The following ZNF155 variants were observed in gnomAD, a reference collection of about 807,000 sequenced individuals.
ZNF155 encodes KRAB A domain.
A neutral mutation model predicts 11.9 loss-of-function variants in ZNF155; 15 were observed. The observed-to-expected ratio is 1.26, with a 90% CI of 0.84 to 1.94. The LOEUF is 1.94. Among genes scored for constraint, ZNF155 ranks in the 30% most tolerant of loss-of-function variants. ZNF155 has a pLI of 0.00. For synonymous variants in ZNF155, 212 were observed against 219.9 expected, an observed-to-expected ratio of 0.96 and a Z score of 0.32; for missense variants, 602 against 639.1, an observed-to-expected ratio of 0.94 and a Z score of 0.63.
intron 4 of ZNF155, among the ~76,000 whole-genome samples, 154 bp downstream of exon 4, chr19:43,992,088 A>G (rs567269070): frequency 6.6e-6 from 1 of 152,258 alleles, no homozygotes; most frequent in East Asian, 1.9e-4. Context: ...TCCCACCCTA[A>G]TATCTGTTCT....
In ZNF155 at chr19:43,997,383, A is replaced by G; in HGVS notation, c.1526A>G (p.Glu509Gly). ...GACCAGCCGAGAGACTATAGTGGGG[A>G]AAACCCATCCAAATGTGAGGATTGT... ...RKDQPRDYSG[E>G]NPSKCEDCGR... Residue 509 changes from glutamate (E) to glycine (G), a missense_variant, in exon 5 of 5, where the codon GAA becomes GGA. By Grantham distance (98) the Glu-to-Gly change is moderately conservative. Transcript: ENST00000270014. 1.2e-6 allele frequency: 2 copies of G among 1,613,744 alleles called. No homozygotes were observed. Among genetic ancestry groups the G allele is most frequent in the Non-Finnish European group, 1.7e-6 (2 of 1,179,748 alleles).
At chr19:43,989,927 AAGG>A (rs1287232517) in intron 2 of ZNF155, 1 of 706,998 alleles carries the variant, frequency 1.4e-6, no homozygotes, top group Non-Finnish European at 2.1e-6. Context: ...GCCAATGTAA[AAGG>A]AGAAGTAGAG....
chr19:43,991,845 A>G lies in ZNF155; in HGVS notation c.146A>G (p.His49Arg). Residue 49 changes from histidine to arginine, a missense_variant, in exon 4 of 5, where the codon CAT becomes CGT. Coordinates refer to ENST00000270014, the MANE Select transcript of ZNF155 (RefSeq NM_198089.3). ...ACGTGACCTTACCTATTCACAGGGC[A>G]TCAACCGTTCCACCAAGATACTTGC... ...ENFRNLLSVGHQPFHQDTCHF... is the reference protein window; with the variant it reads ...ENFRNLLSVGRQPFHQDTCHF... The G allele has an allele frequency of 6.2e-7, 1 of 1,613,692 alleles. No homozygotes were observed. The highest frequency in any genetic ancestry group is 8.5e-7 in the Non-Finnish European group (1 of 1,179,698).
intron 4 of ZNF155, among the ~76,000 whole-genome samples, chr19:43,995,585 T>C (rs1365538708): frequency 3.3e-5 from 5 of 152,064 alleles, no homozygotes; most frequent in Non-Finnish European, 5.9e-5. Context: ...GGTTTTGCTA[T>C]ATTGCCCAGG....
intron 4 of ZNF155, 79 bp from the exon 5 acceptor site, chr19:43,996,014 C>T (rs1363131728): frequency 6.8e-7 from 1 of 1,474,420 alleles, no homozygotes; most frequent in Non-Finnish European, 9.1e-7. Flanking sequence ...AGTTTAATGT[C>T]ATGTCCTAAG....
rs1433766424 is a variant in ZNF155 at position 43,996,935 on chromosome 19, T to C, written c.1078T>C (p.Tyr360His). ...AGGCTTTATTGGTAGGCTAGATTTT[T>C]ATAAGCATCAGGTGGTCCACACAGG... ...GKGFIGRLDF[Y>H]KHQVVHTGEK... Residue 360 changes from tyrosine to histidine, a missense_variant, in exon 5 of 5, where the codon TAT (tyrosine) becomes CAT (histidine). Physicochemically the swap from Tyr to His is moderately conservative, Grantham distance 83 (BLOSUM62 2). Transcript: ENST00000270014. 7.5e-6 allele frequency: 12 copies of C among 1,609,876 alleles called. No homozygotes were observed. The highest frequency in any genetic ancestry group is 1.0e-5 in the Non-Finnish European group (12 of 1,177,438).
Position 43,993,152 on chromosome 19 carries a change from GA to G in ZNF155, c.235+1219del, listed in dbSNP as rs1975722750. On this transcript the variant is annotated intron_variant, in intron 4 of 4. Coordinates refer to ENST00000270014, the MANE Select transcript of ZNF155 (RefSeq NM_198089.3). ...GAAGGGGGAAGAATGAGGATGAGGGGACACAAGTCATGTAGCTGAACATTTA... is the reference window on the plus strand; with the variant it reads ...GAAGGGGGAAGAATGAGGATGAGGGGCACAAGTCATGTAGCTGAACATTTA... 2.6e-5 allele frequency among the ~76,000 whole-genome samples: 4 copies of G among 152,198 alleles called. No individual in the cohort carries two copies. The South Asian group carries it at 8.3e-4, about 32-fold the overall frequency.
chr19:43,985,085 G>T (rs895159302), intron 1 of ZNF155, among the ~76,000 whole-genome samples: 1 of 152,130 alleles, frequency 6.6e-6, no homozygotes, highest in Non-Finnish European at 1.5e-5. Context: ...TTGAGAATGA[G>T]GTTTGCTCTG....
rs932521604 is a variant in ZNF155, at chr19:43,997,824, C to G, written c.*350C>G. On this transcript the variant is annotated 3_prime_UTR_variant, in exon 5 of 5. Coordinates refer to ENST00000270014, the MANE Select transcript of ZNF155 (RefSeq NM_198089.3). ...CAGCCCATTCAGGTAAAAACTCGCA[C>G]AAACCTCCGGCTCACTCAGTTAAGG... The G allele has an allele frequency of 1.2e-4, 22 of 186,140 alleles. No individual in the cohort carries two copies. The highest frequency in any genetic ancestry group is 5.2e-4 in the African/African-American group (22 of 42,338). The allele number at this position is 186,140 out of a possible 1,614,324, so 11.5% of individuals were successfully genotyped here.
Position 43,996,709 on chromosome 19 carries a change from G to A in ZNF155, c.852G>A (p.Gly284=), listed in dbSNP as rs911887714. 6.2e-7 allele frequency: 1 copy of A among 1,613,686 alleles called. No homozygotes were observed. Among genetic ancestry groups the A allele is most frequent in the Non-Finnish European group, 8.5e-7 (1 of 1,179,912 alleles). ...QLKEHKRIHT[G]EKPFKCDICG... ...AGGAACATAAGAGAATCCATACTGG[G>A]GAGAAACCATTCAAATGTGATATAT... is the stretch of plus-strand genomic sequence containing the variant. Residue 284 remains glycine, a synonymous_variant, in exon 5 of 5, where the codon GGG becomes GGA. Coordinates refer to ENST00000270014, the MANE Select transcript of ZNF155 (RefSeq NM_198089.3).
At chr19:43,993,190 G>T (rs1975723418) in intron 4 of ZNF155, among the ~76,000 whole-genome samples, 1 of 152,072 alleles carries the variant, frequency 6.6e-6, no homozygotes, top group Non-Finnish European at 1.5e-5. Flanking sequence ...TCTATTTCTG[G>T]TCCTCTTTCT....
At position 43,997,641 on chromosome 19, in the gene ZNF155, T is replaced by C; in HGVS notation, c.*167T>C. On this transcript the variant is annotated 3_prime_UTR_variant, in exon 5 of 5. Transcript: ENST00000270014. ...GAGTTGGTAGACAGCAAGGGAAGGGTCCCTGGAGACCCCCAGCCAAACGGG... is the reference window on the plus strand; with the variant it reads ...GAGTTGGTAGACAGCAAGGGAAGGGCCCCTGGAGACCCCCAGCCAAACGGG... 1 of 688,656 alleles carries C rather than the reference T, an allele frequency of 1.5e-6. No individual in the cohort carries two copies. Among genetic ancestry groups the C allele is most frequent in the Non-Finnish European group, 2.3e-6 (1 of 432,534 alleles). 42.7% of individuals were successfully genotyped at this position (688,656 alleles called of 1,614,324 possible).
At chr19:43,990,662 C>T (rs1376225817) in intron 2 of ZNF155, among the ~76,000 whole-genome samples, 1 of 152,234 alleles carries the variant, frequency 6.6e-6, no homozygotes, top group African/African-American at 2.4e-5. Flanking sequence ...GGACACACTA[C>T]ATAACTGTCC....
At chr19:43,994,475 C>G (rs1240032161) in intron 4 of ZNF155, among the ~76,000 whole-genome samples, 1 of 152,244 alleles carries the variant, frequency 6.6e-6, no homozygotes, top group Non-Finnish European at 1.5e-5. Context: ...GAACTGCTCT[C>G]ACTTCACACC....
Position 43,997,000 on chromosome 19 carries a change from C to T in ZNF155, c.1143C>T (p.Phe381=), listed in dbSNP as rs1378504657. 1 of 1,614,090 alleles carries T rather than the reference C, an allele frequency of 6.2e-7. No individual in the cohort carries two copies. The highest frequency in any genetic ancestry group is 1.6e-4 in the Middle Eastern group (1 of 6,062). ...PYNCKECGKS[F]RWSSCLLNHQ... ...ATTGTAAAGAATGTGGGAAGAGCTT[C>T]AGATGGTCCTCATGCCTTTTGAACC... is the stretch of plus-strand genomic sequence containing the variant. Residue 381 remains phenylalanine, a synonymous_variant, in exon 5 of 5, where the codon TTC becomes TTT. Transcript: ENST00000270014.
chr19:43,985,836 G>A lies in ZNF155; in HGVS notation c.-86+1591G>A, dbSNP rs528456941. Among the ~76,000 whole-genome samples, 10 of 152,276 alleles carry A rather than the reference G, an allele frequency of 6.6e-5. No individual in the cohort carries two copies. In the South Asian group the frequency reaches 1.0e-3, roughly 16 times the overall value. Reference sequence around the variant, plus strand: ...ATTACAGGCGTGAGCCACCGCGCCCGGTCGCTCTTTTCCATTTTAAATATG... The same window carrying A: ...ATTACAGGCGTGAGCCACCGCGCCCAGTCGCTCTTTTCCATTTTAAATATG... On this transcript the variant is annotated intron_variant, in intron 1 of 4. Coordinates refer to ENST00000270014, the MANE Select transcript of ZNF155 (RefSeq NM_198089.3).
In ZNF155 at chr19:43,996,464, C is replaced by T. The variant is rs1047986249; in HGVS notation, c.607C>T (p.Leu203Phe). 1.2e-6 allele frequency: 2 copies of T among 1,614,192 alleles called. No homozygotes were observed. The highest frequency in any genetic ancestry group is 3.3e-5 in the Admixed American group (2 of 60,024). Reference protein sequence around the residue: ...VHQRVHVGEKLFMCDVCGKEF... With the variant: ...VHQRVHVGEKFFMCDVCGKEF... ...TCAGAGAGTCCACGTGGGAGAGAAA[C>T]TCTTTATGTGTGATGTGTGTGGCAA... Residue 203 changes from leucine (L) to phenylalanine (F), a missense_variant, in exon 5 of 5, where the codon CTC (leucine) becomes TTC (phenylalanine). Transcript: ENST00000270014.
At position 43,996,418 on chromosome 19, in the gene ZNF155, C is replaced by T. The variant is rs767373038; in HGVS notation, c.561C>T (p.Tyr187=). Residue 187 remains tyrosine, a synonymous_variant, in exon 5 of 5, where the codon TAC becomes TAT. Coordinates refer to ENST00000270014, the MANE Select transcript of ZNF155 (RefSeq NM_198089.3). ...TCDECGKSIC[Y]ISALHVHQRV... The stretch of plus-strand genomic sequence containing the variant: ...ATGAGTGTGGAAAAAGCATCTGTTA[C>T]ATCTCAGCTCTTCATGTTCATCAGA... 29 of 1,614,194 alleles carry T rather than the reference C, an allele frequency of 1.8e-5. No individual in the cohort carries two copies. The East Asian group carries it at 4.0e-4, about 22-fold the overall frequency.
chr19:43,997,491 G>A lies in ZNF155; in HGVS notation c.*17G>A, dbSNP rs781706537. 2 of 1,560,558 alleles carry A rather than the reference G, an allele frequency of 1.3e-6. No individual in the cohort carries two copies. The highest frequency in any genetic ancestry group is 2.4e-5 in the South Asian group (2 of 83,442). ...GACACATAATTGTTCATATTTATGGGGTACAACGTGCTATTTTAATGTGTG... is the reference window on the plus strand; with the variant it reads ...GACACATAATTGTTCATATTTATGGAGTACAACGTGCTATTTTAATGTGTG... On this transcript the variant is annotated 3_prime_UTR_variant, in exon 5 of 5. Coordinates refer to ENST00000270014, the MANE Select transcript of ZNF155 (RefSeq NM_198089.3).
Sources: gnomAD v4.1 joint callset for allele counts (sites outside exome capture counted in the v4.1 genomes callset) on GRCh38, gnomAD v4.1.1 for gene constraint, MANE v1.5 for transcripts, NCBI Gene and HGNC (gene_info 2026-07-23, HGNC 2026-07-21) for gene names.